The following PTPRR variants were observed in gnomAD, a reference collection of about 807,000 sequenced individuals.
PTPRR encodes protein tyrosine phosphatase receptor type R, also known as receptor-type tyrosine-protein phosphatase R.
PTPRR carries 38 observed loss-of-function variants against 77.2 expected under a neutral mutation model. The ratio of observed to expected loss-of-function variants is 0.49; its 90% CI spans 0.38 to 0.65. PTPRR has a LOEUF of 0.65. PTPRR is among the 30% of genes least tolerant of loss of function. PTPRR has a pLI of 0.00. For synonymous variants in PTPRR, 299 were observed against 283.1 expected, an observed-to-expected ratio of 1.06 and a Z score of -0.57; for missense variants, 744 against 799.2, an observed-to-expected ratio of 0.93 and a Z score of 0.83.
At chr12:70,642,282 T>C (rs1165068841) in intron 13 of PTPRR, among the ~76,000 whole-genome samples, 4 of 152,194 alleles carry the variant, frequency 2.6e-5, no homozygotes, top group African/African-American at 7.2e-5. Flanking sequence ...ATCCTGTAAT[T>C]ATGCTACTGG....
intron 2 of PTPRR, among the ~76,000 whole-genome samples, chr12:70,789,659 A>T (rs941563658): frequency 6.6e-6 from 1 of 152,188 alleles, no homozygotes; most frequent in Non-Finnish European, 1.5e-5. Context: ...AAAAATTAAG[A>T]CATTATCTCT....
intron 10 of PTPRR, chr12:70,673,049 AG>A (rs372202404): frequency 0.016 from 11,089 of 684,358 alleles, 355 homozygotes; most frequent in African/African-American, 0.099. Context: ...AAAAAAAAAA[AG>A]AAAGAAAGAA....
At chr12:70,810,952 T>A (rs1336892464) in intron 2 of PTPRR, among the ~76,000 whole-genome samples, 1 of 152,190 alleles carries the variant, frequency 6.6e-6, no homozygotes, top group Non-Finnish European at 1.5e-5. Context: ...CTGATTATTC[T>A]CCTAAAGAGA....
chr12:70,920,535 C>T lies in PTPRR; in HGVS notation c.-145G>A, dbSNP rs1041504491. 1.7e-5 allele frequency: 12 copies of T among 707,302 alleles called. No homozygotes were observed. In the African/African-American group the frequency reaches 2.1e-4, roughly 13 times the overall value. 43.8% of individuals were successfully genotyped at this position (707,302 alleles called of 1,614,324 possible). ...GGTTTGCAGAGCAGTCAGTCTGTGG[C>T]GCCGACAGAAACCAGCACCAGCTTC... is the stretch of plus-strand genomic sequence containing the variant. On this transcript the variant is annotated 5_prime_UTR_variant, in exon 1 of 14. Coordinates refer to ENST00000283228, the MANE Select transcript of PTPRR (RefSeq NM_002849.4).
intron 10 of PTPRR, chr12:70,672,101 C>A: frequency 7.2e-7 from 1 of 1,383,174 alleles, no homozygotes; most frequent in Non-Finnish European, 1.0e-6. Flanking sequence ...TGACTCTATG[C>A]TCCCCAAAAT....
At chr12:70,893,088 G>A in intron 1 of PTPRR, 111 bp from the exon 2 acceptor site, 2 of 1,180,536 alleles carry the variant, frequency 1.7e-6, no homozygotes, top group Admixed American at 2.5e-5. Flanking sequence ...GACTTGTGAA[G>A]GATTTAGGTT....
intron 1 of PTPRR, among the ~76,000 whole-genome samples, chr12:70,894,406 C>G (rs751983640): frequency 6.6e-6 from 1 of 151,588 alleles, no homozygotes; most frequent in Non-Finnish European, 1.5e-5. Flanking sequence ...TCCCAAAGCA[C>G]AGAATCACCT....
chr12:70,817,026 G>A (rs189877260), intron 2 of PTPRR, among the ~76,000 whole-genome samples: 12 of 152,166 alleles, frequency 7.9e-5, no homozygotes, highest in African/African-American at 2.9e-4. Context: ...CTGTCTCAGT[G>A]CTATATAGAT....
chr12:70,689,859 C>T (rs1887997798), intron 8 of PTPRR, among the ~76,000 whole-genome samples: 1 of 152,194 alleles, frequency 6.6e-6, no homozygotes, highest in African/African-American at 2.4e-5. Context: ...GTCACCATCC[C>T]TGTCTTTCTT....
chr12:70,666,635 C>T (rs1887005981), intron 10 of PTPRR, among the ~76,000 whole-genome samples: 1 of 152,104 alleles, frequency 6.6e-6, no homozygotes, highest in African/African-American at 2.4e-5. Context: ...GAGACAATGA[C>T]AGAAATTTGT....
At chr12:70,643,946 T>C (rs117821938) in intron 13 of PTPRR, among the ~76,000 whole-genome samples, 1 of 152,128 alleles carries the variant, frequency 6.6e-6, no homozygotes, top group East Asian at 1.9e-4. Flanking sequence ...AAGTGAAACT[T>C]ACCTCAGGTT....
intron 13 of PTPRR, 30 bp from the exon 14 acceptor site, chr12:70,639,307 T>TAAC (rs1885904643): frequency 1.9e-6 from 3 of 1,604,910 alleles, no homozygotes; most frequent in Non-Finnish European, 2.5e-6. Flanking sequence ...AAATAACTGA[T>TAAC]TTTGCTAAAA....
chr12:70,785,041 G>A (rs1891293387), intron 2 of PTPRR, among the ~76,000 whole-genome samples: 1 of 152,134 alleles, frequency 6.6e-6, no homozygotes, highest in Admixed American at 6.5e-5. Flanking sequence ...CGAGGTTGAA[G>A]GTCAAAACGG....
chr12:70,872,419 C>T lies in PTPRR; in HGVS notation c.357+20260G>A, dbSNP rs566024623. On this transcript the variant is annotated intron_variant, in intron 2 of 13. Transcript: ENST00000283228. ...TTTACAGAATCCACCAAGTCAGCCGCTTGCGGTGGCTCACACCTGTAATCC... is the reference window on the plus strand; with the variant it reads ...TTTACAGAATCCACCAAGTCAGCCGTTTGCGGTGGCTCACACCTGTAATCC... Among the ~76,000 whole-genome samples, 4 of 151,772 alleles carry T rather than the reference C, an allele frequency of 2.6e-5. No homozygotes were observed. The South Asian group carries it at 8.3e-4, about 32-fold the overall frequency.
chr12:70,876,113 TATTA>T (rs1893047911), intron 2 of PTPRR, among the ~76,000 whole-genome samples: 1 of 152,174 alleles, frequency 6.6e-6, no homozygotes, highest in Admixed American at 6.6e-5. Context: ...TTTGGTAATT[TATTA>T]ATTAAAATAC....
chr12:70,813,684 C>A (rs1023289251), intron 2 of PTPRR, among the ~76,000 whole-genome samples: 1 of 152,164 alleles, frequency 6.6e-6, no homozygotes, highest in East Asian at 1.9e-4. Flanking sequence ...GTGGGATGAG[C>A]GTCACCAGCA....
chr12:70,873,897 C>G (rs1472571828), intron 2 of PTPRR, among the ~76,000 whole-genome samples: 1 of 152,062 alleles, frequency 6.6e-6, no homozygotes, highest in Non-Finnish European at 1.5e-5. Context: ...TGTAAACATA[C>G]AGCATTATAG....
chr12:70,818,518 T>A (rs1240502936), intron 2 of PTPRR, among the ~76,000 whole-genome samples: 1 of 152,116 alleles, frequency 6.6e-6, no homozygotes, highest in African/African-American at 2.4e-5. Flanking sequence ...TTATTTGAGA[T>A]CATTGCAGAA....
intron 6 of PTPRR, among the ~76,000 whole-genome samples, chr12:70,728,497 T>C (rs1889534371): frequency 7.6e-6 from 1 of 131,000 alleles, no homozygotes. Context: ...TATATATGTA[T>C]GTATGTATAT....
Sources: allele counts gnomAD v4.1 joint callset (sites outside exome capture counted in the v4.1 genomes callset), GRCh38; gene constraint gnomAD v4.1.1; transcripts MANE v1.5; gene names NCBI Gene and HGNC (gene_info 2026-07-23, HGNC 2026-07-21).